Variants in NRG3 observed in about 807,000 individuals in gnomAD.
The protein encoded by NRG3 is pro-neuregulin-3, membrane-bound isoform.
In NRG3, 31 loss-of-function variants were observed where a neutral mutation model predicts 66.9. The observed-to-expected ratio is 0.46, with a 90% CI of 0.35 to 0.63. NRG3 has a LOEUF of 0.63. NRG3 is among the 20% of genes least tolerant of loss of function. The pLI, the probability that NRG3 is intolerant of heterozygous loss-of-function variation, is 0.00. For synonymous variants in NRG3, 393 were observed against 359.4 expected (o/e 1.09, Z -1.06); for missense variants, 910 against 878.9 (o/e 1.04, Z -0.45).
At chr10:82,896,476 G>A (rs1476583142) in intron 4 of NRG3, among the ~76,000 whole-genome samples, 2 of 152,126 alleles carry the variant, frequency 1.3e-5, no homozygotes, top group African/African-American at 2.4e-5. Context: ...TGAATTTGTG[G>A]ATATAGATAA....
At chr10:82,146,542 TATGGAAA>T (rs1236361344) in intron 1 of NRG3, among the ~76,000 whole-genome samples, 2 of 152,164 alleles carry the variant, frequency 1.3e-5, no homozygotes, top group South Asian at 2.1e-4. Context: ...CCTAAAGCTC[TATGGAAA>T]AGTCATTTGC....
intron 1 of NRG3, among the ~76,000 whole-genome samples, chr10:82,292,607 G>T (rs574035890): frequency 1.3e-5 from 2 of 152,238 alleles, no homozygotes; most frequent in South Asian, 2.1e-4. Context: ...TTGTTCTTTG[G>T]CAGGTGATAA....
chr10:82,622,996 C>T (rs1411194790), intron 2 of NRG3, among the ~76,000 whole-genome samples: 2 of 151,764 alleles, frequency 1.3e-5, no homozygotes, highest in Non-Finnish European at 2.9e-5. Context: ...GGACATAACC[C>T]CATTGTAAGT....
At chr10:82,433,149 C>T (rs1174250418) in intron 2 of NRG3, among the ~76,000 whole-genome samples, 5 of 152,038 alleles carry the variant, frequency 3.3e-5, no homozygotes, top group African/African-American at 9.7e-5. Context: ...TTTTAATAAT[C>T]GCCATTTTTG....
Position 82,044,441 on chromosome 10 carries a change from G to C in NRG3, c.823+168278G>C, listed in dbSNP as rs147618092. On this transcript the variant is annotated intron_variant, in intron 1 of 8. Transcript: ENST00000372141. The stretch of plus-strand genomic sequence containing the variant: ...TAACATGCACATCTAAGGGATGTGA[G>C]AGAAAACAAGAATATCCAGAGAAAA... 1.8e-3 allele frequency among the ~76,000 whole-genome samples: 270 copies of C among 152,042 alleles called. 1 individual carries two copies. The highest frequency in any genetic ancestry group is 4.9e-3 in the African/African-American group (202 of 41,512).
intron 2 of NRG3, among the ~76,000 whole-genome samples, chr10:82,404,315 G>A (rs569294147): frequency 6.6e-6 from 1 of 152,114 alleles, no homozygotes; most frequent in Non-Finnish European, 1.5e-5. Flanking sequence ...ACCCCAAGAC[G>A]ACCTTAGTAA....
chr10:82,861,343 T>C (rs764100942), intron 3 of NRG3, among the ~76,000 whole-genome samples: 3 of 152,228 alleles, frequency 2.0e-5, no homozygotes, highest in Admixed American at 6.5e-5. Context: ...CTTGAGAGTA[T>C]TTCTGAAAGT....
intron 1 of NRG3, among the ~76,000 whole-genome samples, chr10:82,122,203 T>A (rs1041555435): frequency 6.6e-6 from 1 of 152,184 alleles, no homozygotes. Flanking sequence ...AGTAACTGAT[T>A]TTTTAATTAT....
intron 6 of NRG3, among the ~76,000 whole-genome samples, chr10:82,969,065 T>A (rs1851485335): frequency 6.6e-6 from 1 of 152,106 alleles, no homozygotes; most frequent in Admixed American, 6.5e-5. Flanking sequence ...ACCAGGTCCC[T>A]CCCACAACAC....
In NRG3 at chr10:82,366,094, T is replaced by C. The variant is rs530552290; in HGVS notation, c.953+7226T>C. Among the ~76,000 whole-genome samples the C allele has an allele frequency of 2.0e-5, 3 of 152,310 alleles. No homozygotes were observed. In the East Asian group the frequency reaches 5.8e-4, roughly 29 times the overall value. ...ACCTGAGTTCAAAGTCCTACTCAGC[T>C]TTCTACTAACTCTGATTTTTTGCAA... On this transcript the variant is annotated intron_variant, in intron 2 of 8. Coordinates refer to ENST00000372141, the MANE Select transcript of NRG3 (RefSeq NM_001010848.4).
chr10:82,094,613 A>C (rs977477808), intron 1 of NRG3, among the ~76,000 whole-genome samples: 1 of 152,234 alleles, frequency 6.6e-6, no homozygotes, highest in African/African-American at 2.4e-5. Context: ...TGGTTGGATA[A>C]AGAAAATGTG....
chr10:82,063,224 C>T (rs886574828), intron 1 of NRG3, among the ~76,000 whole-genome samples: 2 of 151,882 alleles, frequency 1.3e-5, no homozygotes, highest in Non-Finnish European at 2.9e-5. Context: ...TTTTATGTCA[C>T]TAACTATCAC....
At chr10:82,612,417 T>C (rs547395686) in intron 2 of NRG3, among the ~76,000 whole-genome samples, 2 of 152,224 alleles carry the variant, frequency 1.3e-5, no homozygotes, top group African/African-American at 4.8e-5. Context: ...TAAAAATCAA[T>C]GTGATGTTAA....
At chr10:82,628,538 A>T (rs2049585867) in intron 2 of NRG3, among the ~76,000 whole-genome samples, 1 of 152,084 alleles carries the variant, frequency 6.6e-6, no homozygotes, top group Non-Finnish European at 1.5e-5. Context: ...CAAGATAGGG[A>T]CTTTACTGAC....
intron 2 of NRG3, among the ~76,000 whole-genome samples, chr10:82,699,324 A>AG (rs1555003506): frequency 2.0e-5 from 3 of 150,630 alleles, no homozygotes; most frequent in African/African-American, 7.3e-5. Flanking sequence ...AGGGAAGGAA[A>AG]GAAGGAAGGA....
intron 3 of NRG3, among the ~76,000 whole-genome samples, chr10:82,758,111 A>G (rs1427015026): frequency 6.6e-6 from 1 of 152,092 alleles, no homozygotes; most frequent in Non-Finnish European, 1.5e-5. Context: ...CAGTTGAGGT[A>G]GAAGAGAGAT....
chr10:81,965,627 C>CATTA (rs200497178), intron 1 of NRG3, among the ~76,000 whole-genome samples: 2,447 of 152,186 alleles, frequency 0.016, 28 homozygotes, highest in Middle Eastern at 0.034. Context: ...TGTCCTTGCT[C>CATTA]ATTATTAGAT....
rs141370436 is a variant in NRG3, at chr10:82,589,961, T to C, written c.954-148616T>C. On this transcript the variant is annotated intron_variant, in intron 2 of 8. Coordinates refer to ENST00000372141, the MANE Select transcript of NRG3 (RefSeq NM_001010848.4). The stretch of plus-strand genomic sequence containing the variant: ...ATAATAGTTTGTACCCAGATGTAGT[T>C]ATAGAACAGTCACTGAAAAATGGTT... Among the ~76,000 whole-genome samples, 54 of 152,304 alleles carry C rather than the reference T, an allele frequency of 3.5e-4. No homozygotes were observed. In the East Asian group the frequency reaches 0.01, roughly 28 times the overall value.
rs563313812 is a variant in NRG3 at position 82,128,631 on chromosome 10, A to C, written c.824-230108A>C. On this transcript the variant is annotated intron_variant, in intron 1 of 8. Coordinates refer to ENST00000372141, the MANE Select transcript of NRG3 (RefSeq NM_001010848.4). ...CTTTACCTTGACATTTCTGATACCC[A>C]TGATTTTGATAACCTTTGAGTCATG... is the stretch of plus-strand genomic sequence containing the variant. Among the ~76,000 whole-genome samples, 7 of 152,182 alleles carry C rather than the reference A, an allele frequency of 4.6e-5. No individual in the cohort carries two copies. The South Asian group carries it at 8.3e-4, about 18-fold the overall frequency.
Sources: gnomAD v4.1 joint callset for allele counts (sites outside exome capture counted in the v4.1 genomes callset) on GRCh38, gnomAD v4.1.1 for gene constraint, MANE v1.5 for transcripts, NCBI Gene and HGNC (gene_info 2026-07-23, HGNC 2026-07-21) for gene names.